EMC2: variants seen among roughly 807,000 people sequenced by gnomAD.
EMC2 encodes ER membrane protein complex subunit 2.
Under a neutral mutation model 51.6 loss-of-function variants are expected in EMC2, and 37 were observed. The observed-to-expected ratio is 0.72, with a 90% CI of 0.55 to 0.94. The LOEUF is 0.94. Ranked by LOEUF, EMC2 falls within the 40% of genes least tolerant of loss-of-function variation. The probability of loss-of-function intolerance (pLI) is 0.00; values close to 1 mark genes in which losing one functional copy is unlikely to be tolerated. For synonymous variants in EMC2, 131 were observed against 112.4 expected, an observed-to-expected ratio of 1.17 and a Z score of -1.04; for missense variants, 359 against 350.9, an observed-to-expected ratio of 1.02 and a Z score of -0.18.
At chr8:108,451,983 A>C (rs1819035508) in intron 3 of EMC2, among the ~76,000 whole-genome samples, 1 of 152,184 alleles carries the variant, frequency 6.6e-6, no homozygotes, top group Admixed American at 6.5e-5. Context: ...TTCATATTAA[A>C]ACTTATTTTA....
At chr8:108,479,219 T>C in intron 10 of EMC2, 109 bp downstream of exon 10, 3 of 450,028 alleles carry the variant, frequency 6.7e-6, no homozygotes, top group Non-Finnish European at 1.2e-5. Flanking sequence ...TATATGCCTT[T>C]GGGGCTTTAT....
intron 5 of EMC2, among the ~76,000 whole-genome samples, chr8:108,459,721 A>AGAGAGAGAGTGT (rs763020311): frequency 0.027 from 3,668 of 136,836 alleles, 185 homozygotes; most frequent in African/African-American, 0.1. Flanking sequence ...AGAGAGAGAG[A>AGAGAGAGAGTGT]GTGTGTGTGT....
intron 5 of EMC2, among the ~76,000 whole-genome samples, chr8:108,461,475 C>A (rs535037521): frequency 1.3e-5 from 2 of 152,216 alleles, no homozygotes; most frequent in Admixed American, 6.5e-5. Flanking sequence ...TGACTTGCTG[C>A]ATGGGTTTTG....
rs764873962 is a variant in EMC2, at chr8:108,488,275, C to A, written c.*1677C>A. On this transcript the variant is annotated 3_prime_UTR_variant, in exon 11 of 11. Transcript: ENST00000220853. ...CTCCCGGGTTCAAGCGATTCTTGTGCCTCAGCCTCTGAGTAGCTGGGACTA... is the reference window on the plus strand; with the variant it reads ...CTCCCGGGTTCAAGCGATTCTTGTGACTCAGCCTCTGAGTAGCTGGGACTA... 2.0e-5 allele frequency among the ~76,000 whole-genome samples: 3 copies of A among 151,680 alleles called. No individual in the cohort carries two copies. Among genetic ancestry groups the A allele is most frequent in the Non-Finnish European group, 4.4e-5 (3 of 67,974 alleles).
At chr8:108,456,332 C>CAAAAAAAAAAAAAAAAAAAAAAAAA (rs869162246) in intron 5 of EMC2, among the ~76,000 whole-genome samples, 2 of 23,608 alleles carry the variant, frequency 8.5e-5, no homozygotes, top group Non-Finnish European at 1.5e-4. Context: ...GACTTCGTGT[C>CAAAAAAAAAAAAAAAAAAAAAAAAA]AAAAAAAAAA....
rs1244105834 is a variant in EMC2, at chr8:108,488,583, G to A, written c.*1985G>A. Among the ~76,000 whole-genome samples, 1 of 152,114 alleles carries A rather than the reference G, an allele frequency of 6.6e-6. No homozygotes were observed. Among genetic ancestry groups the A allele is most frequent in the Non-Finnish European group, 1.5e-5 (1 of 68,038 alleles). On this transcript the variant is annotated 3_prime_UTR_variant, in exon 11 of 11. Coordinates refer to ENST00000220853, the MANE Select transcript of EMC2 (RefSeq NM_014673.5). ...TAAATGTACTGATAATCCCATTACA[G>A]CAGGCAGTTGCCTACAGCTATTACC... is the stretch of plus-strand genomic sequence containing the variant.
chr8:108,470,705 T>C (rs950996804), intron 7 of EMC2: 1 of 152,410 alleles, frequency 6.6e-6, no homozygotes, highest in Admixed American at 6.5e-5. Flanking sequence ...AATCCCAGTG[T>C]GAGAGGATTA....
intron 10 of EMC2, among the ~76,000 whole-genome samples, chr8:108,484,146 T>C (rs1811093914): frequency 6.6e-6 from 1 of 152,144 alleles, no homozygotes; most frequent in Non-Finnish European, 1.5e-5. Context: ...CACAATGATT[T>C]TCCAGATAAA....
chr8:108,458,178 G>A lies in EMC2; in HGVS notation c.363+2248G>A, dbSNP rs540635624. Among the ~76,000 whole-genome samples the A allele has an allele frequency of 1.1e-4, 16 of 152,314 alleles. No individual in the cohort carries two copies. The East Asian group carries it at 2.7e-3, about 26-fold the overall frequency. Reference sequence around the variant, plus strand: ...GATTCCTATGGTCTTGGGCAGCTCCGCCCCATGGCTTTGCAGGGTACATCC... The same window carrying A: ...GATTCCTATGGTCTTGGGCAGCTCCACCCCATGGCTTTGCAGGGTACATCC... On this transcript the variant is annotated intron_variant, in intron 5 of 10. Transcript: ENST00000220853.
intron 4 of EMC2, among the ~76,000 whole-genome samples, chr8:108,455,131 A>T (rs1300064108): frequency 6.6e-6 from 1 of 151,772 alleles, no homozygotes; most frequent in Non-Finnish European, 1.5e-5. Flanking sequence ...GTTTAGGAAA[A>T]TTTTCAACGA....
intron 1 of EMC2, among the ~76,000 whole-genome samples, chr8:108,445,467 C>A (rs963174313): frequency 3.3e-5 from 5 of 152,070 alleles, no homozygotes; most frequent in Non-Finnish European, 2.9e-5. Context: ...GAGTGTTCTT[C>A]CCTCCTTGCC....
chr8:108,456,818 A>G (rs1430214817), intron 5 of EMC2, among the ~76,000 whole-genome samples: 1 of 152,192 alleles, frequency 6.6e-6, no homozygotes, highest in Non-Finnish European at 1.5e-5. Context: ...TACATCAGTC[A>G]TTTTAATGTT....
chr8:108,461,039 A>ATAAAGTCTT, intron 5 of EMC2, among the ~76,000 whole-genome samples: 1 of 152,364 alleles, frequency 6.6e-6, no homozygotes, highest in South Asian at 2.1e-4. Context: ...CCTAGAACTA[A>ATAAAGTCTT]TAAAGTCTAT....
intron 9 of EMC2, 81 bp downstream of exon 9, chr8:108,476,973 T>C (rs891512202): frequency 6.0e-6 from 4 of 665,332 alleles, no homozygotes; most frequent in African/African-American, 1.9e-5. Flanking sequence ...CAATCACTCC[T>C]CTCCTGTTTT....
chr8:108,477,345 G>C (rs1418487396), intron 9 of EMC2, among the ~76,000 whole-genome samples: 4 of 151,982 alleles, frequency 2.6e-5, no homozygotes, highest in Non-Finnish European at 1.5e-5. Flanking sequence ...GGAAATTGTG[G>C]GAAGTATGTA....
chr8:108,469,735 T>C, intron 5 of EMC2, 91 bp from the exon 6 acceptor site: 3 of 1,033,512 alleles, frequency 2.9e-6, no homozygotes, highest in Non-Finnish European at 4.5e-6. Flanking sequence ...TTCTCTGGCA[T>C]TGAGATAATA....
chr8:108,464,837 A>T (rs1294337843), intron 5 of EMC2, among the ~76,000 whole-genome samples: 3 of 152,196 alleles, frequency 2.0e-5, no homozygotes, highest in Non-Finnish European at 4.4e-5. Flanking sequence ...AAGACCAATT[A>T]TCTTGAGAGG....
Position 108,488,566 on chromosome 8 carries a change from C to T in EMC2, c.*1968C>T, listed in dbSNP as rs1462981696. ...ATTTATAAACTTCAACTTAAATGTA[C>T]TGATAATCCCATTACAGCAGGCAGT... On this transcript the variant is annotated 3_prime_UTR_variant, in exon 11 of 11. Transcript: ENST00000220853. 2.6e-5 allele frequency among the ~76,000 whole-genome samples: 4 copies of T among 152,162 alleles called. No homozygotes were observed. The highest frequency in any genetic ancestry group is 9.7e-5 in the African/African-American group (4 of 41,424).
chr8:108,450,587 A>AG, intron 3 of EMC2, 95 bp downstream of exon 3: 1 of 806,004 alleles, frequency 1.2e-6, no homozygotes, highest in Non-Finnish European at 2.2e-6. Context: ...TGCTTTCAAT[A>AG]GCTAGTTTTG....
Sources: allele counts gnomAD v4.1 joint callset (sites outside exome capture counted in the v4.1 genomes callset), GRCh38; gene constraint gnomAD v4.1.1; transcripts MANE v1.5; gene names NCBI Gene and HGNC (gene_info 2026-07-23, HGNC 2026-07-21).